TARBP1: variants seen among roughly 807,000 people sequenced by gnomAD.
TARBP1 encodes the protein tRNA guanosine 2 -O-methyltransferase TARBP1.
In TARBP1, 144 loss-of-function variants were observed where a neutral mutation model predicts 178.6. The observed-to-expected ratio is 0.81, with a 90% CI of 0.70 to 0.93. The LOEUF is 0.93. Ranked by LOEUF, TARBP1 falls within the 40% of genes least tolerant of loss-of-function variation. The pLI, the probability that TARBP1 is intolerant of heterozygous loss-of-function variation, is 0.00. For missense variants in TARBP1, 2,067 were observed against 2,011.7 expected, an observed-to-expected ratio of 1.03 and a Z score of -0.53; for synonymous variants, 787 against 781.0, an observed-to-expected ratio of 1.01 and a Z score of -0.13.
rs368687639 is a variant in TARBP1 at position 234,401,285 on chromosome 1, G to A, written c.3990-23C>T. ...TTCCTAAGGATTAAAAATATGGTAT[G>A]AGCCACAGACAAATGAAACAACTCT... On this transcript the variant is annotated intron_variant, in intron 24 of 29. Transcript: ENST00000040877. 1.3e-5 allele frequency: 21 copies of A among 1,579,810 alleles called. No homozygotes were observed. In the African/African-American group the frequency reaches 1.9e-4, roughly 14 times the overall value.
chr1:234,478,103 G>C lies in TARBP1; in HGVS notation c.931+70C>G, dbSNP rs12087454. On this transcript the variant is annotated intron_variant, in intron 1 of 29. Coordinates refer to ENST00000040877, the MANE Select transcript of TARBP1 (RefSeq NM_005646.4). Reference sequence around the variant, plus strand: ...GACGACCCCGATAAGCTAGTTTTTAGAAGCAGGAAGACTCCCCTCTGGGGC... The same window carrying C: ...GACGACCCCGATAAGCTAGTTTTTACAAGCAGGAAGACTCCCCTCTGGGGC... The C allele has an allele frequency of 3.3e-3, 4,938 of 1,483,472 alleles. 156 individuals are homozygous for C. The African/African-American group carries it at 0.062, about 19-fold the overall frequency. 91.9% of individuals were successfully genotyped at this position (1,483,472 alleles called of 1,614,324 possible).
chr1:234,458,023 C>T (rs1465066649), intron 8 of TARBP1, among the ~76,000 whole-genome samples: 2 of 151,218 alleles, frequency 1.3e-5, no homozygotes, highest in Non-Finnish European at 2.9e-5. Context: ...AAAAAAAACA[C>T]CATTCTATAA....
chr1:234,470,985 A>G (rs1668995287), intron 3 of TARBP1, among the ~76,000 whole-genome samples: 1 of 152,110 alleles, frequency 6.6e-6, no homozygotes, highest in African/African-American at 2.4e-5. Context: ...TAAGTGAGAT[A>G]AACATGAACA....
At chr1:234,427,965 T>G (rs761801011) in intron 17 of TARBP1, among the ~76,000 whole-genome samples, 199 bp from the exon 18 acceptor site, 5 of 152,130 alleles carry the variant, frequency 3.3e-5, no homozygotes. Flanking sequence ...TAAATAAAAT[T>G]TTACTGATAG....
intron 14 of TARBP1, among the ~76,000 whole-genome samples, chr1:234,432,959 A>G (rs772593330): frequency 5.9e-5 from 9 of 152,158 alleles, no homozygotes; most frequent in Admixed American, 1.3e-4. Context: ...TATATGTTTA[A>G]TATTATATTA....
At chr1:234,431,160 A>G (rs916712401) in intron 14 of TARBP1, among the ~76,000 whole-genome samples, 33 of 152,240 alleles carry the variant, frequency 2.2e-4, no homozygotes, top group African/African-American at 7.2e-4. Context: ...TAATGTCTGT[A>G]TCAGAAAGGA....
intron 9 of TARBP1, among the ~76,000 whole-genome samples, chr1:234,452,349 G>A (rs1666870972): frequency 6.6e-6 from 1 of 152,100 alleles, no homozygotes; most frequent in Non-Finnish European, 1.5e-5. Context: ...GGTATCCAAA[G>A]TATTCAAAGG....
At chr1:234,417,135 C>T (rs2103084533) in intron 22 of TARBP1, among the ~76,000 whole-genome samples, 1 of 152,332 alleles carries the variant, frequency 6.6e-6, no homozygotes, top group East Asian at 1.9e-4. Context: ...AGGCTGTCTG[C>T]AGCTCAGATA....
chr1:234,395,498 C>CAG (rs2103030187), intron 26 of TARBP1, among the ~76,000 whole-genome samples: 1 of 152,254 alleles, frequency 6.6e-6, no homozygotes. Flanking sequence ...AGAGCAAAAA[C>CAG]AGGACAAGAA....
intron 11 of TARBP1, 132 bp downstream of exon 11, chr1:234,448,348 T>G: frequency 1.5e-6 from 1 of 681,668 alleles, no homozygotes; most frequent in Non-Finnish European, 2.5e-6. Context: ...TTCAGTATAC[T>G]GTTAATGTTC....
intron 13 of TARBP1, among the ~76,000 whole-genome samples, chr1:234,434,728 G>A (rs966001557): frequency 3.3e-5 from 5 of 151,762 alleles, no homozygotes; most frequent in African/African-American, 1.2e-4. Flanking sequence ...AGCTGGGGAT[G>A]TAGATGAGAT....
chr1:234,479,111 G>T lies in TARBP1; in HGVS notation c.-8C>A, dbSNP rs1669887998. 6.6e-7 allele frequency: 1 copy of T among 1,525,386 alleles called. No individual in the cohort carries two copies. Among genetic ancestry groups the T allele is most frequent in the South Asian group, 1.2e-5 (1 of 83,524 alleles). 94.5% of individuals were successfully genotyped at this position (1,525,386 alleles called of 1,614,324 possible). A position where few individuals can be genotyped will look rare whatever the true frequency, so the allele number is the denominator to read the frequency against. ...CGCGAGCACCCACTCCATTTGCCGA[G>T]CGCCCGCGCCACCGGCCCGGGCTCC... is the stretch of plus-strand genomic sequence containing the variant. On this transcript the variant is annotated 5_prime_UTR_variant, in exon 1 of 30. Transcript: ENST00000040877.
intron 23 of TARBP1, among the ~76,000 whole-genome samples, chr1:234,409,447 T>C (rs1661584018): frequency 6.6e-6 from 1 of 152,240 alleles, no homozygotes; most frequent in Non-Finnish European, 1.5e-5. Context: ...CAAATCTCTT[T>C]GCGGCACATA....
intron 21 of TARBP1, among the ~76,000 whole-genome samples, chr1:234,418,990 G>C (rs985392477): frequency 3.9e-5 from 6 of 152,104 alleles, no homozygotes; most frequent in African/African-American, 1.4e-4. Flanking sequence ...GGCTAACACG[G>C]TGAAACCCCG....
At chr1:234,437,783 G>A (rs1047792879) in intron 12 of TARBP1, among the ~76,000 whole-genome samples, 3 of 152,238 alleles carry the variant, frequency 2.0e-5, no homozygotes, top group African/African-American at 7.2e-5. Context: ...CAACAAGGTG[G>A]GCAGCAGAAT....
chr1:234,399,166 T>C (rs1468688042), intron 25 of TARBP1, among the ~76,000 whole-genome samples: 2 of 152,216 alleles, frequency 1.3e-5, no homozygotes, highest in Non-Finnish European at 2.9e-5. Flanking sequence ...CAATCCTCCT[T>C]TGCTTTTCTT....
intron 20 of TARBP1, among the ~76,000 whole-genome samples, 190 bp from the exon 21 acceptor site, chr1:234,421,002 G>A (rs996747186): frequency 6.6e-6 from 1 of 152,142 alleles, no homozygotes; most frequent in African/African-American, 2.4e-5. Flanking sequence ...GACATTTTGG[G>A]CTGAGTGATT....
At chr1:234,476,061 A>C (rs1669544014) in intron 1 of TARBP1, among the ~76,000 whole-genome samples, 1 of 152,236 alleles carries the variant, frequency 6.6e-6, no homozygotes, top group East Asian at 1.9e-4. Context: ...ACACTACAAC[A>C]GAAAACAAAG....
intron 6 of TARBP1, among the ~76,000 whole-genome samples, chr1:234,462,899 G>GA (rs899825874): frequency 1.3e-5 from 2 of 151,928 alleles, no homozygotes; most frequent in African/African-American, 2.4e-5. Context: ...AAATACAAAA[G>GA]AAAAAAATAC....
Sources: gnomAD v4.1 joint callset for allele counts (sites outside exome capture counted in the v4.1 genomes callset) on GRCh38, gnomAD v4.1.1 for gene constraint, MANE v1.5 for transcripts, NCBI Gene and HGNC (gene_info 2026-07-23, HGNC 2026-07-21) for gene names.